TTC6: variants seen among roughly 807,000 people sequenced by gnomAD.
The protein encoded by TTC6 is tetratricopeptide repeat domain 6, also known as tetratricopeptide repeat protein 6.
A neutral mutation model predicts 210.4 loss-of-function variants in TTC6; 172 were observed. That is an observed-to-expected ratio of 0.82 (90% confidence interval 0.72 to 0.93). The LOEUF (loss-of-function observed/expected upper bound fraction) is 0.93. Among genes scored for constraint, TTC6 ranks in the 40% least tolerant of loss-of-function variants. TTC6 has a pLI of 0.00. For missense variants in TTC6, 2,414 were observed against 2,318.1 expected (o/e 1.04, Z -0.85); for synonymous variants, 804 against 819.6 (o/e 0.98, Z 0.32).
chr14:37,639,326 C>A (rs1208161609), intron 1 of TTC6, among the ~76,000 whole-genome samples: 1 of 152,170 alleles, frequency 6.6e-6, no homozygotes, highest in Admixed American at 6.5e-5. Context: ...CTCATTTGGG[C>A]AAATCTTTTC....
At chr14:37,775,043 AG>A (rs1292331189) in intron 14 of TTC6, among the ~76,000 whole-genome samples, 1 of 151,988 alleles carries the variant, frequency 6.6e-6, no homozygotes, top group Non-Finnish European at 1.5e-5. Context: ...GTAGTCTCAG[AG>A]GGTTTTTGTT....
intron 1 of TTC6, among the ~76,000 whole-genome samples, chr14:37,677,996 C>A (rs565361960): frequency 1.3e-5 from 2 of 151,968 alleles, no homozygotes; most frequent in East Asian, 3.9e-4. Context: ...AAATGTATAT[C>A]ATTTCTGGGT....
intron 14 of TTC6, among the ~76,000 whole-genome samples, chr14:37,778,547 G>T (rs1364830891): frequency 6.6e-6 from 1 of 152,154 alleles, no homozygotes; most frequent in Non-Finnish European, 1.5e-5. Context: ...GGTGAAATCT[G>T]CCCACATGTG....
At chr14:37,606,820 T>C (rs896200823) in intron 2 of TTC6, 78 bp downstream of exon 2, 2 of 973,858 alleles carry the variant, frequency 2.1e-6, no homozygotes, top group African/African-American at 3.5e-5. Flanking sequence ...CCTGTCACCA[T>C]CTTGGAGTAC....
intron 5 of TTC6, among the ~76,000 whole-genome samples, chr14:37,710,587 A>G (rs1799439238): frequency 6.6e-6 from 1 of 152,124 alleles, no homozygotes; most frequent in Non-Finnish European, 1.5e-5. Context: ...TATTCTGTGT[A>G]CAAGCCTCTT....
chr14:37,624,731 C>T (rs1210151382), intron 1 of TTC6, among the ~76,000 whole-genome samples: 2 of 152,022 alleles, frequency 1.3e-5, no homozygotes, highest in Admixed American at 1.3e-4. Context: ...ACGCCATTCT[C>T]CTGCCTCAGC....
intron 7 of TTC6, 88 bp downstream of exon 9, chr14:37,725,090 C>T: frequency 1.4e-6 from 1 of 690,494 alleles, no homozygotes. Flanking sequence ...TTCAATTTTA[C>T]TGGCCATTTA....
At chr14:37,647,725 T>G (rs1319021295) in intron 1 of TTC6, among the ~76,000 whole-genome samples, 1 of 152,000 alleles carries the variant, frequency 6.6e-6, no homozygotes, top group African/African-American at 2.4e-5. Flanking sequence ...CAGATGGTAT[T>G]TGAATTCATG....
chr14:37,663,521 C>A (rs765522324), intron 1 of TTC6, among the ~76,000 whole-genome samples: 8 of 152,068 alleles, frequency 5.3e-5, no homozygotes, highest in Non-Finnish European at 1.0e-4. Context: ...GATAAGTTAT[C>A]AAGATTTGTG....
In TTC6 at chr14:37,642,070, A is replaced by G. The variant is rs550413466; in HGVS notation, c.939+19067A>G. On this transcript the variant is annotated intron_variant, in intron 1 of 30. Transcript: ENST00000553443. ...CCTTCCTTTTTTCCTTTACTGACTTAAAGACCTAGATGCTCAGGTATCCAG... is the reference window on the plus strand; with the variant it reads ...CCTTCCTTTTTTCCTTTACTGACTTGAAGACCTAGATGCTCAGGTATCCAG... 7.9e-5 allele frequency among the ~76,000 whole-genome samples: 12 copies of G among 152,320 alleles called. No homozygotes were observed. In the South Asian group the frequency reaches 2.3e-3, roughly 29 times the overall value.
intron 1 of TTC6, among the ~76,000 whole-genome samples, chr14:37,601,429 C>T (rs1017245061): frequency 4.6e-5 from 7 of 152,190 alleles, no homozygotes; most frequent in Non-Finnish European, 8.8e-5. Context: ...ACTAGCCCAT[C>T]CCTGAGACTG....
intron 1 of TTC6, among the ~76,000 whole-genome samples, chr14:37,637,163 A>G (rs2095682566): frequency 6.6e-6 from 1 of 152,140 alleles, no homozygotes; most frequent in Non-Finnish European, 1.5e-5. Context: ...CCACAAGAAA[A>G]AAAACCCACC....
chr14:37,641,254 A>G (rs556852143), intron 1 of TTC6, among the ~76,000 whole-genome samples: 23 of 152,348 alleles, frequency 1.5e-4, no homozygotes, highest in Admixed American at 8.5e-4. Context: ...GATTGAAGTC[A>G]GCCATTCTGT....
Position 37,680,261 on chromosome 14 carries a change from GGTAAA to G in TTC6, c.1050+3_1050+7del. 2.0e-6 allele frequency: 3 copies of G among 1,506,656 alleles called. 1 individual carries two copies. The South Asian group carries it at 3.7e-5, about 19-fold the overall frequency. The allele number at this position is 1,506,656 out of a possible 1,614,324, so 93.3% of individuals were successfully genotyped here. On this transcript the variant is annotated splice_donor_variant and splice_donor_5th_base_variant and intron_variant, in intron 2 of 30. Coordinates refer to ENST00000553443, the Ensembl canonical transcript of TTC6. LOFTEE classifies it high-confidence loss of function. Reference sequence around the variant, plus strand: ...AGATGGGTGCTGAGGAATCGCAAATGGTAAAGTCTTTAATAAAAATCCTCCTTGCC... The same window carrying G: ...AGATGGGTGCTGAGGAATCGCAAATGGTCTTTAATAAAAATCCTCCTTGCC...
At chr14:37,751,260 T>G in intron 13 of TTC6, 35 bp downstream of exon 15, 1 of 1,442,092 alleles carries the variant, frequency 6.9e-7, no homozygotes, top group South Asian at 1.5e-5. Flanking sequence ...ACCATTTATA[T>G]AGTTTAGATT....
At chr14:37,751,286 A>G in intron 13 of TTC6, 61 bp downstream of exon 15, 1 of 1,245,022 alleles carries the variant, frequency 8.0e-7, no homozygotes, top group Non-Finnish European at 1.1e-6. Context: ...ATCCTCATGC[A>G]AATAGTACAG....
At chr14:37,778,502 G>A (rs2139237087) in intron 14 of TTC6, among the ~76,000 whole-genome samples, 1 of 152,292 alleles carries the variant, frequency 6.6e-6, no homozygotes, top group Admixed American at 6.5e-5. Flanking sequence ...GCATGGTGGG[G>A]TGCACATGCA....
intron 4 of TTC6, 27 bp downstream of exon 6, chr14:37,696,862 C>G: frequency 1.9e-6 from 2 of 1,070,674 alleles, no homozygotes; most frequent in Non-Finnish European, 2.5e-6. Context: ...TATAATTTTT[C>G]TATTGGGAGA....
chr14:37,723,676 AATGCT>A (rs1402472431), intron 6 of TTC6, among the ~76,000 whole-genome samples: 1 of 152,174 alleles, frequency 6.6e-6, no homozygotes, highest in Non-Finnish European at 1.5e-5. Flanking sequence ...CCTACTGTAT[AATGCT>A]ATGTGCACAG....
Sources: gnomAD v4.1 joint callset for allele counts (sites outside exome capture counted in the v4.1 genomes callset) on GRCh38, gnomAD v4.1.1 for gene constraint, MANE v1.5 for transcripts, NCBI Gene and HGNC (gene_info 2026-07-23, HGNC 2026-07-21) for gene names.